Variants in CRCP observed in about 807,000 individuals in gnomAD.
CRCP encodes the protein CGRP receptor component, also known as DNA-directed RNA polymerase III subunit RPC9.
A neutral mutation model predicts 18.5 loss-of-function variants in CRCP; 18 were observed. The observed-to-expected ratio is 0.97, with a 90% CI of 0.67 to 1.44. The LOEUF is 1.44. CRCP is among the 40% of genes most tolerant of loss of function. The pLI, the probability that CRCP is intolerant of heterozygous loss-of-function variation, is 0.00. For synonymous variants in CRCP, 53 were observed against 62.9 expected, an observed-to-expected ratio of 0.84 and a Z score of 0.75; for missense variants, 130 against 176.4, an observed-to-expected ratio of 0.74 and a Z score of 1.49.
chr7:66,141,105 C>T (rs557270112), intron 4 of CRCP, among the ~76,000 whole-genome samples: 2 of 152,158 alleles, frequency 1.3e-5, no homozygotes, highest in Non-Finnish European at 2.9e-5. Context: ...CAAGAGTTAA[C>T]GCTTCAGGCA....
At chr7:66,139,919 C>A (rs1031427633) in intron 4 of CRCP, among the ~76,000 whole-genome samples, 2 of 152,230 alleles carry the variant, frequency 1.3e-5, no homozygotes, top group Admixed American at 6.5e-5. Context: ...CCACATGATA[C>A]CCCCTTTTGG....
intron 1 of CRCP, among the ~76,000 whole-genome samples, chr7:66,117,412 G>A (rs960687155): frequency 2.0e-5 from 3 of 152,086 alleles, no homozygotes. Context: ...TCTATGTGCT[G>A]ATGGTTCTCA....
chr7:66,129,156 A>AC (rs548005415), intron 2 of CRCP, among the ~76,000 whole-genome samples: 19 of 152,070 alleles, frequency 1.2e-4, no homozygotes, highest in African/African-American at 4.3e-4. Flanking sequence ...ACACGGTGAA[A>AC]CCCCGTCTCT....
At chr7:66,120,095 A>G (rs1487280345) in intron 1 of CRCP, among the ~76,000 whole-genome samples, 1 of 152,026 alleles carries the variant, frequency 6.6e-6, no homozygotes, top group African/African-American at 2.4e-5. Flanking sequence ...GAGGCAGGAG[A>G]ATGGCGTGAA....
chr7:66,128,373 T>C (rs908689253), intron 2 of CRCP, among the ~76,000 whole-genome samples: 2 of 152,226 alleles, frequency 1.3e-5, no homozygotes, highest in African/African-American at 4.8e-5. Flanking sequence ...AGGCTGTTTC[T>C]GTCTGCAGAA....
rs1213860098 is a variant in CRCP, at chr7:66,154,380, T to C, written c.*2023T>C. The C allele has an allele frequency of 6.6e-6, 1 of 152,038 alleles. No homozygotes were observed. The highest frequency in any genetic ancestry group is 2.4e-5 in the African/African-American group (1 of 41,432). The allele number at this position is 152,038 out of a possible 1,614,324, so 9.4% of individuals were successfully genotyped here. On this transcript the variant is annotated 3_prime_UTR_variant, in exon 6 of 6. Transcript: ENST00000395326. The stretch of plus-strand genomic sequence containing the variant: ...TTAGTAGAGACAGGGTTTTGCCATA[T>C]TGGCCAGGCTAGTCGTAATGTCTCT...
At position 66,138,621 on chromosome 7, in the gene CRCP, T is replaced by TTA. The variant is rs1450613639; in HGVS notation, c.239+4247_239+4248insTA. On this transcript the variant is annotated intron_variant, in intron 4 of 5. Transcript: ENST00000395326. ...TAACACGGTGAAACCTCGTCTCTACTAAAAAAAAAAAAAAAAAAAAAAATC... is the reference window on the plus strand; with the variant it reads ...TAACACGGTGAAACCTCGTCTCTACTTAAAAAAAAAAAAAAAAAAAAAAAATC... Among the ~76,000 whole-genome samples the TTA allele has an allele frequency of 8.0e-4, 75 of 93,416 alleles. 1 individual carries two copies. The East Asian group carries it at 0.014, about 17-fold the overall frequency. 61.3% of individuals were successfully genotyped at this position (93,416 alleles called of 152,430 possible). A position where few individuals can be genotyped will look rare whatever the true frequency, so the allele number is the denominator to read the frequency against.
rs759717342 is a variant in CRCP, at chr7:66,134,290, A to G, written c.155A>G (p.Tyr52Cys). The G allele has an allele frequency of 6.3e-7, 1 of 1,595,878 alleles. No individual in the cohort carries two copies. The highest frequency in any genetic ancestry group is 2.2e-5 in the East Asian group (1 of 44,746). ...LNTITYETLK[Y>C]ISKTPCRHQS... The stretch of plus-strand genomic sequence containing the variant: ...TTTTTTTTTTGCCAGACGTTAAAAT[A>G]CATATCAAAAACACCATGCAGGCAC... The change falls in exon 4 of 6, where the codon TAC (tyrosine) becomes TGC (cysteine). Residue 52 changes from tyrosine to cysteine, a missense_variant. Physicochemically the swap from Tyr to Cys is radical, Grantham distance 194. Coordinates refer to ENST00000395326, the MANE Select transcript of CRCP (RefSeq NM_014478.5).
chr7:66,145,490 A>G lies in CRCP; in HGVS notation c.287A>G (p.Glu96Gly), dbSNP rs1788266945. The G allele has an allele frequency of 6.2e-7, 1 of 1,613,818 alleles. No homozygotes were observed. Among genetic ancestry groups the G allele is most frequent in the Non-Finnish European group, 8.5e-7 (1 of 1,179,912 alleles). The change falls in exon 5 of 6, where the codon GAG (glutamate) becomes GGG (glycine). Residue 96 changes from glutamate to glycine, a missense_variant. Coordinates refer to ENST00000395326, the MANE Select transcript of CRCP (RefSeq NM_014478.5). ...AACCACCGGCCTGTGACTGCTGTGG[A>G]GATCCAGCTGGTGAGTGAAGGGCGC... ...LLNHRPVTAV[E>G]IQLMVEESEE... is the part of the protein sequence containing the mutation.
intron 3 of CRCP, among the ~76,000 whole-genome samples, chr7:66,131,850 C>T (rs1458845283): frequency 1.3e-5 from 2 of 151,856 alleles, no homozygotes; most frequent in Non-Finnish European, 2.9e-5. Flanking sequence ...TCACCTCTGG[C>T]TCCCGGGTTC....
intron 1 of CRCP, among the ~76,000 whole-genome samples, chr7:66,115,199 G>A (rs1188229652): frequency 6.6e-6 from 1 of 152,192 alleles, no homozygotes; most frequent in Non-Finnish European, 1.5e-5. Flanking sequence ...GCGGGGCCGA[G>A]CACTTCCGTG....
intron 1 of CRCP, among the ~76,000 whole-genome samples, chr7:66,115,969 T>TA (rs1234875546): frequency 1.3e-5 from 2 of 152,046 alleles, no homozygotes; most frequent in Non-Finnish European, 2.9e-5. Context: ...GCTAATTTTT[T>TA]AAAAAAAGTT....
chr7:66,127,675 A>G (rs1270256870), intron 1 of CRCP, 29 bp from the exon 2 acceptor site: 3 of 1,613,688 alleles, frequency 1.9e-6, no homozygotes, highest in African/African-American at 2.7e-5. Flanking sequence ...GTGAGCCCAG[A>G]CTGATGATAG....
intron 4 of CRCP, among the ~76,000 whole-genome samples, chr7:66,135,662 C>T (rs1787950212): frequency 6.6e-6 from 1 of 152,100 alleles, no homozygotes; most frequent in South Asian, 2.1e-4. Context: ...GCGGCTCATG[C>T]CTGTAATCCC....
intron 1 of CRCP, among the ~76,000 whole-genome samples, chr7:66,117,216 C>T (rs1021355565): frequency 6.6e-6 from 1 of 151,404 alleles, no homozygotes; most frequent in Non-Finnish European, 1.5e-5. Flanking sequence ...GTGGTTAATA[C>T]AGAAACTCTA....
chr7:66,151,717 G>GTGTGTGTGT (rs1584105236), intron 5 of CRCP, among the ~76,000 whole-genome samples: 21 of 114,856 alleles, frequency 1.8e-4, no homozygotes, highest in South Asian at 2.8e-4. Flanking sequence ...GTGTGTGTGT[G>GTGTGTGTGT]GTTATATAAC....
At chr7:66,131,640 T>C (rs957489692) in intron 3 of CRCP, among the ~76,000 whole-genome samples, 1 of 152,176 alleles carries the variant, frequency 6.6e-6, no homozygotes, top group African/African-American at 2.4e-5. Context: ...AAATATGTAA[T>C]TATAATTCCT....
At chr7:66,131,864 C>T (rs909817242) in intron 3 of CRCP, among the ~76,000 whole-genome samples, 3 of 151,632 alleles carry the variant, frequency 2.0e-5, no homozygotes, top group African/African-American at 7.3e-5. Context: ...CGGGTTCAAG[C>T]GATTCTCCTG....
intron 1 of CRCP, among the ~76,000 whole-genome samples, chr7:66,122,374 C>CAAAAAAAAAAAAAAAAAAAAAA (rs939428601): frequency 1.7e-5 from 1 of 57,974 alleles, no homozygotes; most frequent in Non-Finnish European, 3.4e-5. Context: ...GACTCCGTCT[C>CAAAAAAAAAAAAAAAAAAAAAA]AAAAAAAAAA....
Sources: allele counts gnomAD v4.1 joint callset (sites outside exome capture counted in the v4.1 genomes callset), GRCh38; gene constraint gnomAD v4.1.1; transcripts MANE v1.5; gene names NCBI Gene and HGNC (gene_info 2026-07-23, HGNC 2026-07-21).